The following LRBA variants were observed in gnomAD, a reference collection of about 807,000 sequenced individuals.
LRBA encodes the protein lipopolysaccharide-responsive and beige-like anchor protein.
Under a neutral mutation model 330.0 loss-of-function variants are expected in LRBA, and 176 were observed. That is an observed-to-expected ratio of 0.53 (90% CI 0.47 to 0.60). The LOEUF (loss-of-function observed/expected upper bound fraction) is 0.60. Ranked by LOEUF, LRBA falls within the 20% of genes least tolerant of loss-of-function variation. The pLI is 0.00. For synonymous variants in LRBA, 1,230 were observed against 1,193.0 expected (o/e 1.03, Z -0.64); for missense variants, 3,259 against 3,444.8 (o/e 0.95, Z 1.35).
intron 36 of LRBA, among the ~76,000 whole-genome samples, chr4:150,705,985 A>G (rs377028413): frequency 5.4e-4 from 82 of 152,140 alleles, no homozygotes; most frequent in African/African-American, 1.9e-3. Context: ...GTAAGTTGAT[A>G]CCAATAAAAG....
chr4:150,266,363 G>A (rs1745336907), intron 56 of LRBA, among the ~76,000 whole-genome samples: 1 of 152,214 alleles, frequency 6.6e-6, no homozygotes, highest in African/African-American at 2.4e-5. Flanking sequence ...ATCATGCTCT[G>A]GGTGAGGACC....
rs554769547 is a variant in LRBA, at chr4:150,507,066, T to C, written c.6331-16031A>G. Among the ~76,000 whole-genome samples, 10 of 151,256 alleles carry C rather than the reference T, an allele frequency of 6.6e-5. No homozygotes were observed. The Middle Eastern group carries it at 0.017, about 257-fold the overall frequency. ...AGGAGAACTACAAACCACTGCTCAA[T>C]GAAATAAAAGAGGATACAAACAAAT... On this transcript the variant is annotated intron_variant, in intron 40 of 56. Coordinates refer to ENST00000651943, the MANE Select transcript of LRBA (RefSeq NM_001364905.1).
intron 19 of LRBA, among the ~76,000 whole-genome samples, chr4:150,871,008 CT>C (rs1297570049): frequency 6.6e-6 from 1 of 152,134 alleles, no homozygotes; most frequent in Non-Finnish European, 1.5e-5. Flanking sequence ...CTTTGGGAGG[CT>C]GAAGTGGGTA....
At chr4:150,453,963 GTTT>G (rs996111779) in intron 44 of LRBA, among the ~76,000 whole-genome samples, 1 of 150,152 alleles carries the variant, frequency 6.7e-6, no homozygotes. Flanking sequence ...CGATTTAAAA[GTTT>G]TTTTTTTCTT....
At chr4:150,893,190 AAAC>A (rs931957641) in intron 16 of LRBA, 41 bp from the exon 17 acceptor site, 3 of 1,139,828 alleles carry the variant, frequency 2.6e-6, no homozygotes, top group Non-Finnish European at 3.9e-6. Context: ...AATGAGGAAA[AAAC>A]AACTTAGTTG....
At chr4:150,593,845 C>T (rs1386424774) in intron 38 of LRBA, among the ~76,000 whole-genome samples, 1 of 151,686 alleles carries the variant, frequency 6.6e-6, no homozygotes, top group African/African-American at 2.4e-5. Context: ...AATGAGAGTC[C>T]CCAGTGGCAA....
At chr4:150,720,871 G>C in intron 36 of LRBA, 1 of 314,794 alleles carries the variant, frequency 3.2e-6, no homozygotes, top group Non-Finnish European at 6.1e-6. Flanking sequence ...GAAAATATCA[G>C]ACTGTCCTCT....
In LRBA at chr4:150,905,859, T is replaced by C. The variant is rs1731272473; in HGVS notation, c.1734A>G (p.Ile578Met). Residue 578 changes from isoleucine (I) to methionine (M), a missense_variant, in exon 13 of 57, where the codon ATA (isoleucine) becomes ATG (methionine). Ile to Met is a conservative substitution (Grantham distance 10). Transcript: ENST00000651943. ...LCDHVLLNPA[I>M]WIHTPAKVQL... is the part of the protein sequence containing the mutation. ...TTACCTTGGCTGGGGTATGAATCCA[T>C]ATGGCAGGATTAAGAAGAACGTGAT... The C allele has an allele frequency of 1.9e-6, 3 of 1,613,232 alleles. No individual in the cohort carries two copies. Among genetic ancestry groups the C allele is most frequent in the South Asian group, 2.2e-5 (2 of 90,988 alleles).
chr4:150,593,127 A>T (rs1773097106), intron 38 of LRBA, among the ~76,000 whole-genome samples: 1 of 152,142 alleles, frequency 6.6e-6, no homozygotes, highest in South Asian at 2.1e-4. Context: ...TATATTGGCC[A>T]CTGAGAAATG....
At chr4:150,830,574 G>A (rs1747019793) in intron 29 of LRBA, among the ~76,000 whole-genome samples, 2 of 151,956 alleles carry the variant, frequency 1.3e-5, no homozygotes, top group African/African-American at 2.4e-5. Flanking sequence ...ATCTGAAACA[G>A]GGATAAACCA....
At position 151,014,894 on chromosome 4, in the gene LRBA, T is replaced by G. The variant is rs999239939; in HGVS notation, c.-219-33A>C. ...AAGATTAAATATATGTTAAATAGGC[T>G]AGGTTTTGTTTTAGGGTTTTGAGGG... is the stretch of plus-strand genomic sequence containing the variant. On this transcript the variant is annotated intron_variant, in intron 1 of 56. Coordinates refer to ENST00000651943, the MANE Select transcript of LRBA (RefSeq NM_001364905.1). 4 of 441,762 alleles carry G rather than the reference T, an allele frequency of 9.1e-6. No individual in the cohort carries two copies. In the Admixed American group the frequency reaches 1.5e-4, roughly 16 times the overall value. 27.4% of individuals were successfully genotyped at this position (441,762 alleles called of 1,614,324 possible). A position where few individuals can be genotyped will look rare whatever the true frequency, so the allele number is the denominator to read the frequency against.
At chr4:150,496,052 G>C (rs1759556371) in intron 40 of LRBA, among the ~76,000 whole-genome samples, 1 of 152,080 alleles carries the variant, frequency 6.6e-6, no homozygotes, top group Non-Finnish European at 1.5e-5. Flanking sequence ...TGAATACATA[G>C]ATTATATACA....
chr4:150,301,030 ATT>A (rs1729607484), intron 53 of LRBA, among the ~76,000 whole-genome samples: 2 of 152,190 alleles, frequency 1.3e-5, no homozygotes, highest in African/African-American at 4.8e-5. Context: ...GTTCTTAAAT[ATT>A]TTGAGATAAA....
intron 49 of LRBA, among the ~76,000 whole-genome samples, chr4:150,322,721 G>T (rs1222013498): frequency 6.6e-6 from 1 of 152,160 alleles, no homozygotes; most frequent in Non-Finnish European, 1.5e-5. Context: ...ACACCCTTCT[G>T]AGCAAGTGGC....
chr4:150,308,966 A>C (rs1048222342), intron 52 of LRBA, among the ~76,000 whole-genome samples: 3 of 152,180 alleles, frequency 2.0e-5, no homozygotes, highest in Non-Finnish European at 4.4e-5. Flanking sequence ...AGTTTTATAA[A>C]GTCTACAGTA....
At chr4:150,875,295 G>A (rs1461959105) in intron 17 of LRBA, among the ~76,000 whole-genome samples, 1 of 152,190 alleles carries the variant, frequency 6.6e-6, no homozygotes, top group African/African-American at 2.4e-5. Context: ...ACAGCCAGTA[G>A]ATCTCCAGGA....
Position 150,683,652 on chromosome 4 carries a change from T to G in LRBA, c.5820A>C (p.Arg1940Ser). The part of the protein sequence containing the change: ...EDEKMCDHLI[R>S]AAKYRDHVTA... ...TCACGTGGTCACGATATTTTGCTGCTCTTATCAAATGATCACACATCTTCT... is the reference window on the plus strand; with the variant it reads ...TCACGTGGTCACGATATTTTGCTGCGCTTATCAAATGATCACACATCTTCT... Residue 1940 changes from arginine to serine, a missense_variant, in exon 37 of 57, where the codon AGA becomes AGC. Arg to Ser is a moderately radical substitution (Grantham distance 110). Transcript: ENST00000651943. 1 of 1,613,740 alleles carries G rather than the reference T, an allele frequency of 6.2e-7. No homozygotes were observed. Among genetic ancestry groups the G allele is most frequent in the Non-Finnish European group, 8.5e-7 (1 of 1,179,756 alleles).
chr4:150,772,568 G>C (rs1345111968), intron 34 of LRBA, among the ~76,000 whole-genome samples: 2 of 152,198 alleles, frequency 1.3e-5, no homozygotes, highest in Non-Finnish European at 2.9e-5. Context: ...TGGTGGCCCA[G>C]TGTTAACTGT....
At chr4:150,584,194 A>C (rs1435725550) in intron 40 of LRBA, 2 of 1,389,124 alleles carry the variant, frequency 1.4e-6, no homozygotes, top group Non-Finnish European at 1.9e-6. Context: ...GAAACTCTGG[A>C]CACAAACTTT....
Sources: allele counts gnomAD v4.1 joint callset (sites outside exome capture counted in the v4.1 genomes callset), GRCh38; gene constraint gnomAD v4.1.1; transcripts MANE v1.5; gene names NCBI Gene and HGNC (gene_info 2026-07-23, HGNC 2026-07-21).